Variants in USO1 observed in about 807,000 individuals in gnomAD.
USO1 encodes the protein USO1 vesicle transport factor.
USO1 carries 57 observed loss-of-function variants against 124.5 expected under a neutral mutation model. The observed-to-expected ratio is 0.46, with a 90% CI of 0.37 to 0.57. USO1 has a LOEUF of 0.57. Ranked by LOEUF, USO1 falls within the 20% of genes least tolerant of loss-of-function variation. USO1 has a pLI of 0.00. For missense variants in USO1, 900 were observed against 1,040.6 expected, an observed-to-expected ratio of 0.86 and a Z score of 1.86; for synonymous variants, 369 against 362.8, an observed-to-expected ratio of 1.02 and a Z score of -0.19.
intron 17 of USO1, among the ~76,000 whole-genome samples, chr4:75,801,821 T>G (rs1722858649): frequency 6.6e-6 from 1 of 152,220 alleles, no homozygotes; most frequent in South Asian, 2.1e-4. Flanking sequence ...TTACTGAGAT[T>G]AGTTTGTTTT....
intron 8 of USO1, among the ~76,000 whole-genome samples, chr4:75,782,137 C>CAAAA (rs1246631493): frequency 6.6e-6 from 1 of 152,168 alleles, no homozygotes. Flanking sequence ...AAGGAAGAGA[C>CAAAA]AAACCGACAA....
chr4:75,770,571 T>C, intron 5 of USO1, 32 bp downstream of exon 5: 1 of 1,535,242 alleles, frequency 6.5e-7, no homozygotes. Flanking sequence ...TTTTGTCATC[T>C]TAATAAGCTG....
chr4:75,782,666 C>T lies in USO1; in HGVS notation c.677-14C>T. The T allele has an allele frequency of 6.5e-7, 1 of 1,534,302 alleles. No individual in the cohort carries two copies. The highest frequency in any genetic ancestry group is 8.7e-7 in the Non-Finnish European group (1 of 1,144,468). On this transcript the variant is annotated splice_polypyrimidine_tract_variant and intron_variant, in intron 8 of 23. Transcript: ENST00000514213. ...TACGAGCCTTAACGCTTGTGTTTTACATTATTTCCCCAGGTATAGTAGTTG... is the reference window on the plus strand; with the variant it reads ...TACGAGCCTTAACGCTTGTGTTTTATATTATTTCCCCAGGTATAGTAGTTG...
intron 1 of USO1, among the ~76,000 whole-genome samples, chr4:75,739,888 C>G (rs1240473417): frequency 6.6e-6 from 1 of 152,072 alleles, no homozygotes; most frequent in Non-Finnish European, 1.5e-5. Flanking sequence ...TAAAAATAGA[C>G]CCCGTGTAGT....
rs557230155 is a variant in USO1 at position 75,801,386 on chromosome 4, A to G, written c.1986+186A>G. Among the ~76,000 whole-genome samples, 4 of 152,346 alleles carry G rather than the reference A, an allele frequency of 2.6e-5. No homozygotes were observed. In the East Asian group the frequency reaches 7.7e-4, roughly 29 times the overall value. Reference sequence around the variant, plus strand: ...GTGCTAAGCACCATGCAGCTGATTTATTAGATAATGATGAGTGGATAAAGA... The same window carrying G: ...GTGCTAAGCACCATGCAGCTGATTTGTTAGATAATGATGAGTGGATAAAGA... On this transcript the variant is annotated intron_variant, in intron 17 of 23. Coordinates refer to ENST00000514213, the MANE Select transcript of USO1 (RefSeq NM_003715.4).
At position 75,780,640 on chromosome 4, in the gene USO1, C is replaced by CTTTTTT. The variant is rs71210204; in HGVS notation, c.677-2020_677-2015dup. On this transcript the variant is annotated intron_variant, in intron 8 of 23. Transcript: ENST00000514213. ...CCCATGGATCAAGGATAAATTTTGA[C>CTTTTTT]TTTTTTTTTTTTTTTTTTTTTTTTT... Among the ~76,000 whole-genome samples the CTTTTTT allele has an allele frequency of 7.0e-3, 412 of 59,186 alleles. 13 individuals carry two copies. The highest frequency in any genetic ancestry group is 8.8e-3 in the South Asian group (10 of 1,132). The allele number at this position is 59,186 out of a possible 152,430, so 38.8% of individuals were successfully genotyped here. A position where few individuals can be genotyped will look rare whatever the true frequency, so the allele number is the denominator to read the frequency against.
At position 75,804,145 on chromosome 4, in the gene USO1, T is replaced by A. The variant is rs372555471; in HGVS notation, c.1998T>A (p.Leu666=). Residue 666 remains leucine (L), a synonymous_variant, in exon 18 of 24, where the codon CTT becomes CTA. Transcript: ENST00000514213. ...GTTTTGTTTCACAGGATCTCCAACT[T>A]GAGGAATTAAGGCAGCAGGTTTCTA... ...KNMIREQDLQ[L]EELRQQVSTL... The A allele has an allele frequency of 5.6e-6, 9 of 1,612,640 alleles. No individual in the cohort carries two copies. In the African/African-American group the frequency reaches 1.2e-4, roughly 22 times the overall value.
intron 10 of USO1, among the ~76,000 whole-genome samples, chr4:75,788,784 C>T (rs1722445075): frequency 6.6e-6 from 1 of 152,050 alleles, no homozygotes; most frequent in East Asian, 1.9e-4. Flanking sequence ...CCGCCCACCT[C>T]AGCCTCGTGA....
intron 17 of USO1, among the ~76,000 whole-genome samples, chr4:75,801,935 T>G (rs1171130604): frequency 2.0e-5 from 3 of 152,212 alleles, no homozygotes; most frequent in African/African-American, 4.8e-5. Context: ...TTCTCTTGCC[T>G]CAGCCTCGCA....
At chr4:75,749,732 G>C (rs1310813834) in intron 1 of USO1, among the ~76,000 whole-genome samples, 1 of 149,302 alleles carries the variant, frequency 6.7e-6, no homozygotes, top group Non-Finnish European at 1.5e-5. Context: ...AAGGACCCAA[G>C]TGTTTTTTAA....
chr4:75,807,949 A>T (rs1723042362), intron 20 of USO1, among the ~76,000 whole-genome samples: 2 of 152,174 alleles, frequency 1.3e-5, no homozygotes, highest in Middle Eastern at 6.8e-3. Context: ...AGTACTATAT[A>T]TAGAAAACTG....
At chr4:75,777,167 T>G (rs1417212737) in intron 8 of USO1, among the ~76,000 whole-genome samples, 2 of 152,218 alleles carry the variant, frequency 1.3e-5, no homozygotes, top group Non-Finnish European at 2.9e-5. Flanking sequence ...CATTGAGTTT[T>G]GCCAAAGACT....
intron 13 of USO1, chr4:75,795,227 G>A: frequency 1.5e-6 from 1 of 665,544 alleles, no homozygotes; most frequent in East Asian, 2.7e-5. Context: ...CCAAATTATT[G>A]GCTTGAGTTT....
In USO1 at chr4:75,728,785, CTTTTG is replaced by C. The variant is rs1384923005; in HGVS notation, c.66+3905_66+3909del. The stretch of plus-strand genomic sequence containing the variant: ...ACTTTTTCTGTTTTAGAGTCATGTA[CTTTTG>C]TTTTTGTTTTTGTTTTGTTTTGTTT... On this transcript the variant is annotated intron_variant, in intron 1 of 23. Coordinates refer to ENST00000514213, the MANE Select transcript of USO1 (RefSeq NM_003715.4). Among the ~76,000 whole-genome samples, 8 of 152,024 alleles carry C rather than the reference CTTTTG, an allele frequency of 5.3e-5. No individual in the cohort carries two copies. In the South Asian group the frequency reaches 6.2e-4, roughly 12 times the overall value.
chr4:75,787,312 TTA>T (rs1722391331), intron 10 of USO1, 110 bp downstream of exon 10: 1 of 1,287,972 alleles, frequency 7.8e-7, no homozygotes, highest in Non-Finnish European at 1.0e-6. Flanking sequence ...ATTTTTTAGG[TTA>T]AAATTTTTAA....
At position 75,739,085 on chromosome 4, in the gene USO1, C is replaced by G. The variant is rs1438153249; in HGVS notation, c.67-13288C>G. On this transcript the variant is annotated intron_variant, in intron 1 of 23. Transcript: ENST00000514213. Reference sequence around the variant, plus strand: ...GCCAGGCTGGTCTCAAACTCCTGACCTCGTGATCCGCCCGCCTCGTCCTCC... The same window carrying G: ...GCCAGGCTGGTCTCAAACTCCTGACGTCGTGATCCGCCCGCCTCGTCCTCC... Among the ~76,000 whole-genome samples the G allele has an allele frequency of 2.0e-5, 3 of 152,096 alleles. No homozygotes were observed. In the East Asian group the frequency reaches 5.8e-4, roughly 29 times the overall value.
intron 4 of USO1, chr4:75,767,529 G>A (rs1184070127): frequency 2.5e-6 from 1 of 395,198 alleles, no homozygotes; most frequent in Non-Finnish European, 4.9e-6. Context: ...CGGATCACAA[G>A]GTCAGGAGAT....
At chr4:75,765,783 T>TA (rs1238457038) in intron 4 of USO1, among the ~76,000 whole-genome samples, 4 of 152,186 alleles carry the variant, frequency 2.6e-5, no homozygotes, top group African/African-American at 9.7e-5. Context: ...GGAAATCCTT[T>TA]AAGGAGATCT....
chr4:75,777,862 T>C (rs948543858), intron 8 of USO1, among the ~76,000 whole-genome samples: 2 of 152,196 alleles, frequency 1.3e-5, no homozygotes, highest in African/African-American at 4.8e-5. Flanking sequence ...TTAAGACATA[T>C]TCACACAAAC....
Sources: allele counts gnomAD v4.1 joint callset (sites outside exome capture counted in the v4.1 genomes callset), GRCh38; gene constraint gnomAD v4.1.1; transcripts MANE v1.5; gene names NCBI Gene and HGNC (gene_info 2026-07-23, HGNC 2026-07-21).